SPAG17: variants seen among roughly 807,000 people sequenced by gnomAD.
SPAG17 encodes the protein sperm-associated antigen 17.
Under a neutral mutation model 273.6 loss-of-function variants are expected in SPAG17, and 169 were observed. The ratio of observed to expected loss-of-function variants is 0.62; its 90% confidence interval spans 0.55 to 0.70. The LOEUF is 0.70. SPAG17 is among the 30% of genes least tolerant of loss of function. The pLI is 0.00. For synonymous variants in SPAG17, 825 were observed against 873.2 expected (o/e 0.94, Z 0.97); for missense variants, 2,557 against 2,627.8 (o/e 0.97, Z 0.59).
chr1:118,111,553 A>ACACAC (rs6143395), intron 4 of SPAG17, among the ~76,000 whole-genome samples: 3 of 135,858 alleles, frequency 2.2e-5, no homozygotes, highest in Admixed American at 7.6e-5. Flanking sequence ...CTTTTAAAAC[A>ACACAC]ACACACACAC....
chr1:118,050,446 C>T (rs1346900806), intron 20 of SPAG17, among the ~76,000 whole-genome samples: 4 of 152,172 alleles, frequency 2.6e-5, no homozygotes, highest in African/African-American at 4.8e-5. Context: ...TTGCTGCAGA[C>T]CCATATGGAT....
Position 118,179,457 on chromosome 1 carries a change from C to A in SPAG17, c.87+5614G>T, listed in dbSNP as rs1281808607. Among the ~76,000 whole-genome samples the A allele has an allele frequency of 3.9e-5, 6 of 152,132 alleles. No individual in the cohort carries two copies. In the East Asian group the frequency reaches 1.2e-3, roughly 29 times the overall value. ...AAATCAAATCAAAATGGATTGCAGA[C>A]TTAAATCTAATACCTGAAACTATGA... On this transcript the variant is annotated intron_variant, in intron 1 of 48. Transcript: ENST00000336338.
At chr1:118,136,626 G>C (rs1023385658) in intron 3 of SPAG17, among the ~76,000 whole-genome samples, 3 of 152,090 alleles carry the variant, frequency 2.0e-5, no homozygotes, top group African/African-American at 7.2e-5. Flanking sequence ...CACACAGGGC[G>C]GGCCTGCATG....
rs533674354 is a variant in SPAG17, at chr1:117,999,182, G to T, written c.4777-2439C>A. ...ACTAATCCTTTTTTATGTCTGCATA[G>T]TATTCCATGGTGTATATGTGCCACA... On this transcript the variant is annotated intron_variant, in intron 32 of 48. Transcript: ENST00000336338. 2.6e-5 allele frequency among the ~76,000 whole-genome samples: 4 copies of T among 152,268 alleles called. No homozygotes were observed. The East Asian group carries it at 7.7e-4, about 29-fold the overall frequency.
At chr1:118,045,142 AT>A (rs1650204972) in intron 20 of SPAG17, among the ~76,000 whole-genome samples, 1 of 152,210 alleles carries the variant, frequency 6.6e-6, no homozygotes. Flanking sequence ...TTTGGTCATC[AT>A]TCCTGGCTAC....
At chr1:118,041,089 AATC>A (rs1278695242) in intron 21 of SPAG17, among the ~76,000 whole-genome samples, 1 of 152,150 alleles carries the variant, frequency 6.6e-6, no homozygotes, top group East Asian at 1.9e-4. Context: ...GTGAAAACTG[AATC>A]ATCATACTGT....
intron 40 of SPAG17, among the ~76,000 whole-genome samples, chr1:117,986,533 G>A (rs1656430330): frequency 6.6e-6 from 1 of 152,124 alleles, no homozygotes; most frequent in African/African-American, 2.4e-5. Context: ...ATACCTATAA[G>A]TTAAAACTTG....
intron 3 of SPAG17, among the ~76,000 whole-genome samples, chr1:118,116,321 A>C (rs2102259706): frequency 6.6e-6 from 1 of 152,324 alleles, no homozygotes; most frequent in African/African-American, 2.4e-5. Context: ...TTGTCACAGA[A>C]GTAATCTAGT....
At chr1:118,037,562 C>G (rs1394794265) in intron 23 of SPAG17, among the ~76,000 whole-genome samples, 2 of 152,162 alleles carry the variant, frequency 1.3e-5, no homozygotes, top group African/African-American at 4.8e-5. Context: ...CCCATGTTTA[C>G]TCAGTGTTTA....
chr1:118,126,203 C>CTT lies in SPAG17; in HGVS notation c.316-10764_316-10763dup, dbSNP rs776674134. Reference sequence around the variant, plus strand: ...GAAATGTCTACTCAGATCCTTTATCCTTTTTTTTTTTTTTTTTTTTGAGAC... The same window carrying CTT: ...GAAATGTCTACTCAGATCCTTTATCCTTTTTTTTTTTTTTTTTTTTTTGAGAC... On this transcript the variant is annotated intron_variant, in intron 3 of 48. Transcript: ENST00000336338. Among the ~76,000 whole-genome samples, 951 of 110,538 alleles carry CTT rather than the reference C, an allele frequency of 8.6e-3. 16 individuals carry two copies. Among genetic ancestry groups the CTT allele is most frequent in the Middle Eastern group, 0.012 (2 of 168 alleles). 72.5% of individuals were successfully genotyped at this position (110,538 alleles called of 152,430 possible).
Position 118,012,219 on chromosome 1 carries a change from A to G in SPAG17, c.4432+9T>C, listed in dbSNP as rs761862089. 1 of 1,611,202 alleles carries G rather than the reference A, an allele frequency of 6.2e-7. No homozygotes were observed. Among genetic ancestry groups the G allele is most frequent in the Non-Finnish European group, 8.5e-7 (1 of 1,177,928 alleles). The stretch of plus-strand genomic sequence containing the variant: ...AAATATTGTCATGTACTCAGAAAAT[A>G]AAACATACTTGTTTCTTGATCATCT... On this transcript the variant is annotated intron_variant, in intron 30 of 48. Coordinates refer to ENST00000336338, the MANE Select transcript of SPAG17 (RefSeq NM_206996.4).
intron 45 of SPAG17, among the ~76,000 whole-genome samples, chr1:117,971,206 A>G (rs969247385): frequency 6.6e-6 from 1 of 152,226 alleles, no homozygotes; most frequent in East Asian, 1.9e-4. Flanking sequence ...TCAAGATACA[A>G]TAGTGGACAT....
chr1:118,100,906 C>T (rs188846238), intron 5 of SPAG17, among the ~76,000 whole-genome samples: 34 of 152,268 alleles, frequency 2.2e-4, no homozygotes, highest in African/African-American at 8.2e-4. Context: ...AAACTATGTG[C>T]TCTATGTGAG....
rs1190417370 is a variant in SPAG17 at position 117,963,787 on chromosome 1, T to G, written c.*12A>C. ...GCTTGACAATCAAATTCCCATTTAT[T>G]ACTTACTGTACCTAATGTGGAGAAA... On this transcript the variant is annotated intron_variant, in intron 48 of 48. Coordinates refer to ENST00000336338, the MANE Select transcript of SPAG17 (RefSeq NM_206996.4). 1.3e-6 allele frequency: 2 copies of G among 1,598,222 alleles called. No homozygotes were observed. The highest frequency in any genetic ancestry group is 2.2e-5 in the East Asian group (1 of 44,656).
chr1:118,143,892 T>C (rs1658821500), intron 3 of SPAG17, among the ~76,000 whole-genome samples: 1 of 152,058 alleles, frequency 6.6e-6, no homozygotes, highest in Non-Finnish European at 1.5e-5. Flanking sequence ...GAACTCCTGA[T>C]GAGATTCCTG....
chr1:118,100,625 A>G (rs1558013256), intron 5 of SPAG17, among the ~76,000 whole-genome samples: 2 of 152,194 alleles, frequency 1.3e-5, no homozygotes, highest in Non-Finnish European at 2.9e-5. Context: ...GATATTGCCC[A>G]TGGACTTCAT....
chr1:118,027,281 G>A (rs1647859737), intron 26 of SPAG17, among the ~76,000 whole-genome samples: 1 of 152,182 alleles, frequency 6.6e-6, no homozygotes, highest in Non-Finnish European at 1.5e-5. Context: ...AATTCAGAAT[G>A]CCTAAGGAGA....
At chr1:118,047,671 C>T (rs1216515038) in intron 20 of SPAG17, among the ~76,000 whole-genome samples, 1 of 152,204 alleles carries the variant, frequency 6.6e-6, no homozygotes, top group African/African-American at 2.4e-5. Context: ...CCATGCTCTC[C>T]AGCTCCAGAC....
chr1:118,180,914 A>T (rs541203223), intron 1 of SPAG17, among the ~76,000 whole-genome samples: 2 of 151,996 alleles, frequency 1.3e-5, no homozygotes, highest in Non-Finnish European at 2.9e-5. Flanking sequence ...TTTCTACAGG[A>T]GTTAAAGAAA....
Sources: allele counts gnomAD v4.1 joint callset (sites outside exome capture counted in the v4.1 genomes callset), GRCh38; gene constraint gnomAD v4.1.1; transcripts MANE v1.5; gene names NCBI Gene and HGNC (gene_info 2026-07-23, HGNC 2026-07-21).